Variants in ZNF469 observed in about 807,000 individuals in gnomAD.
ZNF469 encodes the protein zinc finger protein 469.
ZNF469 carries 1 observed loss-of-function variant against 1.0 expected under a neutral mutation model. The ratio of observed to expected loss-of-function variants is 1.00; its 90% CI spans 0.35 to 4.73. The LOEUF (loss-of-function observed/expected upper bound fraction) is 4.73, where lower values mean the gene tolerates loss of function less well. Among genes scored for constraint, ZNF469 ranks in the 30% most tolerant of loss-of-function variants. ZNF469 has a pLI of 0.16. For missense variants in ZNF469, 6,100 were observed against 5,356.3 expected (o/e 1.14, Z -4.33); for synonymous variants, 2,703 against 2,363.4 (o/e 1.14, Z -4.17).
Position 88,429,655 on chromosome 16 carries a change from G to T in ZNF469, c.2185G>T (p.Val729Leu). The T allele has an allele frequency of 6.5e-7, 1 of 1,542,688 alleles. No individual in the cohort carries two copies. The change falls in exon 3 of 3, where the codon GTG becomes TTG. Residue 729 changes from valine to leucine, a missense_variant. Val to Leu is a conservative substitution (Grantham distance 32). Transcript: ENST00000565624. ...LSSASLDQLDVLLTCRQCDRN... is the reference protein window; with the variant it reads ...LSSASLDQLDLLLTCRQCDRN... The stretch of plus-strand genomic sequence containing the variant: ...CAGCGCCAGCCTGGACCAGCTGGAC[G>T]TGCTGCTGACCTGCAGGCAGTGTGA...
the ZNF469 span, among the ~76,000 whole-genome samples, chr16:88,208,797 ACACACACTCT>A: frequency 0.011 from 796 of 71,028 alleles, 8 homozygotes; most frequent in African/African-American, 0.025. Context: ...ACACACACAC[ACACACACTCT>A]CTCTCTCTCT....
At chr16:88,267,698 G>A in the ZNF469 span, among the ~76,000 whole-genome samples, 1 of 150,686 alleles carries the variant, frequency 6.6e-6, no homozygotes, top group South Asian at 2.1e-4. Context: ...ATGGAGGGGA[G>A]GGTGCACCTG....
the ZNF469 span, among the ~76,000 whole-genome samples, chr16:88,239,546 G>A: frequency 6.8e-6 from 1 of 147,958 alleles, no homozygotes; most frequent in African/African-American, 2.5e-5. Flanking sequence ...GGGGTGCAGT[G>A]GCGCGATCTC....
rs1275812090 is a variant in ZNF469 at position 88,432,449 on chromosome 16, G to A, written c.4979G>A (p.Cys1660Tyr). The A allele has an allele frequency of 6.5e-7, 1 of 1,550,290 alleles. No homozygotes were observed. The highest frequency in any genetic ancestry group is 8.7e-7 in the Non-Finnish European group (1 of 1,146,968). Residue 1660 changes from cysteine (C) to tyrosine (Y), a missense_variant, in exon 3 of 3, where the codon TGC becomes TAC. Coordinates refer to ENST00000565624, the MANE Select transcript of ZNF469 (RefSeq NM_001367624.2). ...VQGRPGGTWP[C>Y]PASFHPGHAA... Reference sequence around the variant, plus strand: ...GGGAGGCCTGGGGGGACGTGGCCCTGCCCAGCCTCCTTCCATCCGGGACAT... The same window carrying A: ...GGGAGGCCTGGGGGGACGTGGCCCTACCCAGCCTCCTTCCATCCGGGACAT...
At chr16:88,115,890 C>T in the ZNF469 span, among the ~76,000 whole-genome samples, 1 of 152,260 alleles carries the variant, frequency 6.6e-6, no homozygotes, top group African/African-American at 2.4e-5. Flanking sequence ...TCATCTCTGC[C>T]TTTATCCTCA....
the ZNF469 span, among the ~76,000 whole-genome samples, chr16:88,326,033 T>C: frequency 6.6e-6 from 1 of 152,214 alleles, no homozygotes; most frequent in African/African-American, 2.4e-5. Flanking sequence ...AGTGTGATCC[T>C]GTAGGCAGAG....
At chr16:88,193,001 T>TGGTGGG in the ZNF469 span, among the ~76,000 whole-genome samples, 32 of 62,016 alleles carry the variant, frequency 5.2e-4, no homozygotes, top group African/African-American at 1.4e-3. Context: ...GTGGTGGTGG[T>TGGTGGG]GATGGTGGTG....
the ZNF469 span, among the ~76,000 whole-genome samples, chr16:88,138,819 G>A: frequency 2.0e-5 from 3 of 152,220 alleles, no homozygotes; most frequent in Non-Finnish European, 2.9e-5. Context: ...CAAGGGTGTT[G>A]GCCTTGCTGC....
the ZNF469 span, among the ~76,000 whole-genome samples, chr16:88,167,908 C>G: frequency 6.6e-6 from 1 of 152,226 alleles, no homozygotes; most frequent in African/African-American, 2.4e-5. Context: ...AAGGAAGAAT[C>G]CAGCAGTGTT....
the ZNF469 span, among the ~76,000 whole-genome samples, chr16:88,302,182 C>T: frequency 2.6e-5 from 4 of 152,120 alleles, no homozygotes; most frequent in African/African-American, 4.8e-5. Flanking sequence ...CCAGGGAGGA[C>T]GGAGGAGCTG....
chr16:88,245,048 C>G, the ZNF469 span, among the ~76,000 whole-genome samples: 1 of 151,974 alleles, frequency 6.6e-6, no homozygotes, highest in African/African-American at 2.4e-5. Flanking sequence ...CAGGACACAC[C>G]CGTAGGGCAA....
chr16:88,403,963 G>C (rs1904956001), intron 1 of ZNF469, among the ~76,000 whole-genome samples: 1 of 152,156 alleles, frequency 6.6e-6, no homozygotes, highest in African/African-American at 2.4e-5. Flanking sequence ...GGTGCTGCAG[G>C]GCCCCCCAGA....
chr16:88,375,402 C>G, the ZNF469 span, among the ~76,000 whole-genome samples: 1 of 152,246 alleles, frequency 6.6e-6, no homozygotes, highest in African/African-American at 2.4e-5. Context: ...TGCCTCTCAG[C>G]AGGCATCTGG....
the ZNF469 span, among the ~76,000 whole-genome samples, chr16:88,162,715 C>A: frequency 1.4e-3 from 202 of 146,262 alleles, no homozygotes; most frequent in African/African-American, 4.6e-3. Flanking sequence ...TTGGCAGTTT[C>A]CCTTGCCACC....
At chr16:88,150,833 G>A in the ZNF469 span, among the ~76,000 whole-genome samples, 30 of 152,192 alleles carry the variant, frequency 2.0e-4, no homozygotes, top group South Asian at 8.3e-4. Context: ...TAGAAGCGCC[G>A]TGGGGTTCCG....
chr16:88,355,858 C>T, the ZNF469 span, among the ~76,000 whole-genome samples: 1 of 152,188 alleles, frequency 6.6e-6, no homozygotes, highest in African/African-American at 2.4e-5. Context: ...ACCAAGACCA[C>T]ACTTTGGGGT....
chr16:88,428,580 C>T lies in ZNF469; in HGVS notation c.1110C>T (p.Asp370=). The T allele has an allele frequency of 6.5e-7, 1 of 1,550,234 alleles. No homozygotes were observed. Among genetic ancestry groups the T allele is most frequent in the South Asian group, 1.2e-5 (1 of 84,062 alleles). Reference sequence around the variant, plus strand: ...ACTCGGCCCCGAGACCCTTCTCTGACAGTTTACACAAGAGCCTGACCAAAA... The same window carrying T: ...ACTCGGCCCCGAGACCCTTCTCTGATAGTTTACACAAGAGCCTGACCAAAA... ...AAHSAPRPFS[D]SLHKSLTKIL... Residue 370 remains aspartate, a synonymous_variant, in exon 3 of 3, where the codon GAC becomes GAT. Transcript: ENST00000565624.
At chr16:88,369,431 G>A in the ZNF469 span, among the ~76,000 whole-genome samples, 1 of 152,162 alleles carries the variant, frequency 6.6e-6, no homozygotes, top group African/African-American at 2.4e-5. Context: ...GGGTCTGTGT[G>A]GCCTTCTCTC....
At chr16:88,168,774 CTG>C in the ZNF469 span, among the ~76,000 whole-genome samples, 1 of 152,212 alleles carries the variant, frequency 6.6e-6, no homozygotes, top group Non-Finnish European at 1.5e-5. The surrounding 1 kb of genome is among the most constrained non-coding windows in gnomAD (Gnocchi z 4.3). Flanking sequence ...GCAGAGCAAA[CTG>C]GGAGCTGACA....
Sources: allele counts gnomAD v4.1 joint callset (sites outside exome capture counted in the v4.1 genomes callset), GRCh38; gene constraint gnomAD v4.1.1; non-coding constraint Gnocchi (gnomAD v3.1); transcripts MANE v1.5; gene names NCBI Gene and HGNC (gene_info 2026-07-23, HGNC 2026-07-21).